ATRIP: variants seen among roughly 807,000 people sequenced by gnomAD.
ATRIP encodes ATR interacting protein.
In ATRIP, 44 loss-of-function variants were observed where a neutral mutation model predicts 78.1. The ratio of observed to expected loss-of-function variants is 0.56; its 90% CI spans 0.44 to 0.72. ATRIP has a LOEUF of 0.72. ATRIP is among the 30% of genes least tolerant of loss of function. The probability of loss-of-function intolerance (pLI) is 0.00; values close to 1 mark genes in which losing one functional copy is unlikely to be tolerated. For missense variants in ATRIP, 927 were observed against 980.2 expected (o/e 0.95, Z 0.72); for synonymous variants, 388 against 408.9 (o/e 0.95, Z 0.62).
Position 48,447,031 on chromosome 3 carries a change from G to T in ATRIP, c.186G>T (p.Glu62Asp). 3 of 1,571,980 alleles carry T rather than the reference G, an allele frequency of 1.9e-6. No individual in the cohort carries two copies. Among genetic ancestry groups the T allele is most frequent in the Non-Finnish European group, 2.6e-6 (3 of 1,161,548 alleles). Residue 62 changes from glutamate to aspartate, a missense_variant, in exon 1 of 13, where the codon GAG (glutamate) becomes GAT (aspartate). Glu to Asp is a conservative substitution (Grantham distance 45, BLOSUM62 2). Transcript: ENST00000320211. ...HGDFTADDLE[E>D]LDTLASQALS... The stretch of plus-strand genomic sequence containing the variant: ...ACTTCACTGCCGACGACCTGGAGGA[G>T]CTTGACACCCTCGCGTCACAGGCCC...
At chr3:48,457,143 T>G in intron 4 of ATRIP, 116 bp from the exon 5 acceptor site, 1 of 946,598 alleles carries the variant, frequency 1.1e-6, no homozygotes, top group Non-Finnish European at 1.4e-6. Flanking sequence ...AGATAAAACC[T>G]TTGGTTAAAA....
At chr3:48,462,594 T>C (rs950223412) in intron 8 of ATRIP, among the ~76,000 whole-genome samples, 1 of 151,666 alleles carries the variant, frequency 6.6e-6, no homozygotes, top group African/African-American at 2.4e-5. Context: ...TCCCAGCTAC[T>C]CGGGAGGCTG....
chr3:48,464,246 G>A, intron 10 of ATRIP, 114 bp downstream of exon 10: 1 of 1,006,916 alleles, frequency 9.9e-7, no homozygotes, highest in Non-Finnish European at 1.5e-6. Context: ...TTAGTAACAA[G>A]AGTTGATAAA....
chr3:48,464,590 G>A lies in ATRIP; in HGVS notation c.1983G>A (p.Trp661Ter). The stretch of plus-strand genomic sequence containing the variant: ...ATCTGTTCTTGTTCTAGGTGGTGTG[G>A]CTCCTGGCTAAGCTTGGTGTGCAGA... Reference protein sequence around the residue: ...QWLQLEQEVVWLLAKLGVQSP... With the variant: ...QWLQLEQEVV Residue 661 changes from tryptophan (W) to a stop codon, truncating the protein, a stop_gained, in exon 11 of 13, where the codon TGG (tryptophan) becomes TGA (stop). Transcript: ENST00000320211. LOFTEE classifies it high-confidence loss of function. 6.2e-7 allele frequency: 1 copy of A among 1,614,174 alleles called. No homozygotes were observed. The highest frequency in any genetic ancestry group is 1.7e-5 in the Admixed American group (1 of 60,034).
At position 48,446,779 on chromosome 3, in the gene ATRIP, A is replaced by T. The variant is rs201645015; in HGVS notation, c.-67A>T. 7.4e-7 allele frequency: 1 copy of T among 1,349,664 alleles called. No individual in the cohort carries two copies. The highest frequency in any genetic ancestry group is 2.8e-5 in the East Asian group (1 of 35,222). 83.6% of individuals were successfully genotyped at this position (1,349,664 alleles called of 1,614,324 possible). The stretch of plus-strand genomic sequence containing the variant: ...GCGGCGGCGCGCGGACGGTTGGTCC[A>T]GTTCTCCGGCCTGGCGGCAGGCAAG... On this transcript the variant is annotated 5_prime_UTR_variant, in exon 1 of 13. Transcript: ENST00000320211.
rs772654860 is a variant in ATRIP at position 48,457,315 on chromosome 3, GA to G, written c.733del (p.Thr245HisfsTer39). 1 of 1,606,460 alleles carries G rather than the reference GA, an allele frequency of 6.2e-7. No individual in the cohort carries two copies. The highest frequency in any genetic ancestry group is 1.7e-5 in the Admixed American group (1 of 58,794). On this transcript the variant is annotated frameshift_variant, in exon 5 of 13. Transcript: ENST00000320211. LOFTEE classifies it high-confidence loss of function. Reference sequence around the variant, plus strand: ...CCAGAAGCATGTTCTCCACAATTTGGAAAAACATCTTTTCCTACAAAGGAGT... The same window carrying G: ...CCAGAAGCATGTTCTCCACAATTTGGAAAACATCTTTTCCTACAAAGGAGT... ...IKPEACSPQF[G>X]KTSFPTKESF...
In ATRIP at chr3:48,462,004, C is replaced by G. The variant is rs542062456; in HGVS notation, c.1745+1205C>G. ...TACAGGCGTGAGCCACCGGGCCCAGCCTTGGTTATTTGTTTAATAATTGTT... is the reference window on the plus strand; with the variant it reads ...TACAGGCGTGAGCCACCGGGCCCAGGCTTGGTTATTTGTTTAATAATTGTT... On this transcript the variant is annotated intron_variant, in intron 8 of 12. Coordinates refer to ENST00000320211, the MANE Select transcript of ATRIP (RefSeq NM_130384.3). Among the ~76,000 whole-genome samples, 16 of 152,228 alleles carry G rather than the reference C, an allele frequency of 1.1e-4. No individual in the cohort carries two copies. The South Asian group carries it at 3.3e-3, about 32-fold the overall frequency.
chr3:48,447,085 C>G lies in ATRIP; in HGVS notation c.240C>G (p.Asp80Glu), dbSNP rs767653932. ...ALSQCPAAARDVSSDHKVHRL... is the reference protein window; with the variant it reads ...ALSQCPAAAREVSSDHKVHRL... ...GCCAATGTCCGGCCGCGGCTCGGGA[C>G]GTGTCCAGTGAGTGCTCCTCGCGGC... The change falls in exon 1 of 13, where the codon GAC becomes GAG. Residue 80 changes from aspartate (D) to glutamate (E), a missense_variant. Physicochemically the swap from Asp to Glu is conservative, Grantham distance 45. Coordinates refer to ENST00000320211, the MANE Select transcript of ATRIP (RefSeq NM_130384.3). 2 of 1,551,254 alleles carry G rather than the reference C, an allele frequency of 1.3e-6. No homozygotes were observed. The highest frequency in any genetic ancestry group is 4.0e-5 in the Admixed American group (2 of 50,496).
chr3:48,449,902 C>A, intron 1 of ATRIP, 135 bp from the exon 2 acceptor site: 1 of 916,664 alleles, frequency 1.1e-6, no homozygotes, highest in Non-Finnish European at 1.6e-6. Context: ...CACACCACTG[C>A]ACTCCAACCT....
intron 2 of ATRIP, 117 bp downstream of exon 2, chr3:48,450,287 A>G: frequency 7.7e-7 from 1 of 1,304,758 alleles, no homozygotes; most frequent in Admixed American, 2.6e-5. Flanking sequence ...TCCCTATGAC[A>G]TGGGAAAAGA....
At position 48,450,073 on chromosome 3, in the gene ATRIP, C is replaced by CA. The variant is rs1454682560; in HGVS notation, c.290dup (p.Asn97LysfsTer13). The CA allele has an allele frequency of 1.1e-5, 17 of 1,613,250 alleles. No homozygotes were observed. The highest frequency in any genetic ancestry group is 2.2e-5 in the South Asian group (2 of 90,892). The stretch of plus-strand genomic sequence containing the variant: ...GTCCACAGATTATTAGATGGCATGT[C>CA]AAAAAATCCTTCAGGGAAAAACAGA... On this transcript the variant is annotated frameshift_variant, in exon 2 of 13. Coordinates refer to ENST00000320211, the MANE Select transcript of ATRIP (RefSeq NM_130384.3). LOFTEE classifies it high-confidence loss of function.
In ATRIP at chr3:48,454,411, C is replaced by A; in HGVS notation, c.664C>A (p.His222Asn). The A allele has an allele frequency of 6.2e-7, 1 of 1,607,168 alleles. No individual in the cohort carries two copies. The highest frequency in any genetic ancestry group is 1.1e-5 in the South Asian group (1 of 90,918). Residue 222 changes from histidine (H) to asparagine (N), a missense_variant, in exon 4 of 13, where the codon CAT (histidine) becomes AAT (asparagine). By Grantham distance (68) the His-to-Asn change is moderately conservative. Coordinates refer to ENST00000320211, the MANE Select transcript of ATRIP (RefSeq NM_130384.3). ...TAAACTGGCTGCTCCCTCTGTTTCC[C>A]ATGTCAGGTAATGATGGTGCTGGAG... ...ANKLAAPSVS[H>N]VSPRKNPSVV...
chr3:48,465,735 C>G lies in ATRIP; in HGVS notation c.*181C>G, dbSNP rs1575289989. 6.7e-6 allele frequency: 4 copies of G among 597,062 alleles called. No homozygotes were observed. The South Asian group carries it at 7.6e-5, about 11-fold the overall frequency. The allele number at this position is 597,062 out of a possible 1,614,324, so 37.0% of individuals were successfully genotyped here. A position where few individuals can be genotyped will look rare whatever the true frequency, so the allele number is the denominator to read the frequency against. ...GACCCGGACCCTGAGTGGCTGGGAT[C>G]CTTCTTCCTGTCCCTGGCTGTTGCT... On this transcript the variant is annotated 3_prime_UTR_variant, in exon 13 of 13. Transcript: ENST00000320211.
chr3:48,464,483 A>T (rs2040211896), intron 10 of ATRIP, 99 bp from the exon 11 acceptor site: 1 of 1,304,700 alleles, frequency 7.7e-7, no homozygotes, highest in South Asian at 1.2e-5. Context: ...GCAGACAAAC[A>T]GTTGCTGAAG....
chr3:48,452,068 A>G (rs2039850268), intron 3 of ATRIP, among the ~76,000 whole-genome samples, 169 bp downstream of exon 3: 1 of 152,166 alleles, frequency 6.6e-6, no homozygotes, highest in South Asian at 2.1e-4. Context: ...TATATTTTGG[A>G]AAGGGATTTA....
chr3:48,466,806 CAG>C lies in ATRIP; in HGVS notation c.*1253_*1254del, dbSNP rs773808155. The C allele has an allele frequency of 3.7e-6, 6 of 1,614,016 alleles. No individual in the cohort carries two copies. Among genetic ancestry groups the C allele is most frequent in the East Asian group, 2.2e-5 (1 of 44,872 alleles). The stretch of plus-strand genomic sequence containing the variant: ...TGCCCTGGAGAGCCCCCCCACCTCT[CAG>C]GGGCCACCTCCCACAGTTCCTCCAC... On this transcript the variant is annotated 3_prime_UTR_variant, in exon 13 of 13. Coordinates refer to ENST00000320211, the MANE Select transcript of ATRIP (RefSeq NM_130384.3).
chr3:48,464,879 C>T lies in ATRIP; in HGVS notation c.2104C>T (p.Arg702Trp), dbSNP rs374242464. 9 of 1,613,706 alleles carry T rather than the reference C, an allele frequency of 5.6e-6. No individual in the cohort carries two copies. The highest frequency in any genetic ancestry group is 1.6e-4 in the Middle Eastern group (1 of 6,082). Reference protein sequence around the residue: ...VMLHRQWLTVRRAGGPPRTDQ... With the variant: ...VMLHRQWLTVWRAGGPPRTDQ... ...GTTGCACAGACAGTGGCTGACAGTG[C>T]GGAGGGCAGGGGGACCCCCAAGGAC... is the stretch of plus-strand genomic sequence containing the variant. Residue 702 changes from arginine to tryptophan, a missense_variant, in exon 12 of 13, where the codon CGG (arginine) becomes TGG (tryptophan). Arg to Trp is a moderately radical substitution (Grantham distance 101, BLOSUM62 -3). Transcript: ENST00000320211.
chr3:48,458,448 G>A (rs573091250), intron 5 of ATRIP, among the ~76,000 whole-genome samples: 45 of 151,848 alleles, frequency 3.0e-4, no homozygotes, highest in South Asian at 2.7e-3. Flanking sequence ...TCAGCCTCCC[G>A]AGTAGCTGGG....
intron 4 of ATRIP, among the ~76,000 whole-genome samples, chr3:48,455,450 T>G (rs1460016248): frequency 1.3e-5 from 2 of 152,132 alleles, no homozygotes; most frequent in African/African-American, 4.8e-5. Flanking sequence ...TGATATTTAT[T>G]TTGATAGCCC....
Sources: gnomAD v4.1 joint callset for allele counts (sites outside exome capture counted in the v4.1 genomes callset) on GRCh38, gnomAD v4.1.1 for gene constraint, MANE v1.5 for transcripts, NCBI Gene and HGNC (gene_info 2026-07-23, HGNC 2026-07-21) for gene names.